Variants in TRIM66 observed in about 807,000 individuals in gnomAD.
TRIM66 encodes the protein tripartite motif containing 66.
A neutral mutation model predicts 148.2 loss-of-function variants in TRIM66; 99 were observed. The ratio of observed to expected loss-of-function variants is 0.67; its 90% CI spans 0.57 to 0.79. TRIM66 has a LOEUF of 0.79. TRIM66 is among the 30% of genes least tolerant of loss of function. The pLI is 0.00. For missense variants in TRIM66, 1,666 were observed against 1,697.9 expected (o/e 0.98, Z 0.33); for synonymous variants, 616 against 635.9 (o/e 0.97, Z 0.47).
At chr11:8,628,100 G>A (rs1301837940) in intron 15 of TRIM66, among the ~76,000 whole-genome samples, 1 of 152,072 alleles carries the variant, frequency 6.6e-6, no homozygotes, top group Non-Finnish European at 1.5e-5. Flanking sequence ...CCAAAGTGCT[G>A]GGATTACAGG....
At chr11:8,652,038 T>C in intron 6 of TRIM66, 135 bp from the exon 7 acceptor site, 1 of 663,594 alleles carries the variant, frequency 1.5e-6, no homozygotes, top group Non-Finnish European at 2.5e-6. Flanking sequence ...CTACACTTGA[T>C]GCCATAGCCT....
At chr11:8,659,366 T>A (rs574939465) in intron 6 of TRIM66, among the ~76,000 whole-genome samples, 32 of 151,394 alleles carry the variant, frequency 2.1e-4, no homozygotes, top group African/African-American at 6.8e-4. Flanking sequence ...TAAATAAGGG[T>A]AAAAATGGAA....
chr11:8,623,088 T>C (rs969335239), intron 17 of TRIM66, among the ~76,000 whole-genome samples: 4 of 152,222 alleles, frequency 2.6e-5, no homozygotes, highest in African/African-American at 9.6e-5. Context: ...TTTAAAAAGA[T>C]GAACACAAGT....
chr11:8,682,630 C>G lies in TRIM66; in HGVS notation c.-577G>C, dbSNP rs972336283. The stretch of plus-strand genomic sequence containing the variant: ...ACCGTACACCGCCACCAGGACACTC[C>G]GTGATGGGGGATCACCACCCTCAGA... On this transcript the variant is annotated 5_prime_UTR_variant, in exon 1 of 25. Coordinates refer to ENST00000646038, the MANE Select transcript of TRIM66 (RefSeq NM_001388022.1). 4.4e-6 allele frequency: 3 copies of G among 688,972 alleles called. No individual in the cohort carries two copies. The highest frequency in any genetic ancestry group is 5.2e-6 in the Non-Finnish European group (2 of 384,790). 42.7% of individuals were successfully genotyped at this position (688,972 alleles called of 1,614,324 possible).
At chr11:8,643,301 C>T (rs571257698) in intron 12 of TRIM66, among the ~76,000 whole-genome samples, 175 bp from the exon 13 acceptor site, 2 of 151,776 alleles carry the variant, frequency 1.3e-5, no homozygotes, top group South Asian at 4.2e-4. Flanking sequence ...CCCAGCTGAT[C>T]CCTTTCCTCT....
intron 15 of TRIM66, among the ~76,000 whole-genome samples, chr11:8,636,650 C>T (rs927465887): frequency 2.0e-5 from 3 of 152,120 alleles, no homozygotes; most frequent in Admixed American, 1.3e-4. Flanking sequence ...CTCCTGTGAT[C>T]TGATATCTCT....
intron 6 of TRIM66, among the ~76,000 whole-genome samples, chr11:8,662,442 C>T (rs1247631249): frequency 2.0e-5 from 3 of 152,216 alleles, no homozygotes; most frequent in Non-Finnish European, 1.5e-5. Flanking sequence ...CGTGATTGCT[C>T]CTCCTTTCAG....
At chr11:8,650,237 G>C (rs1409144850) in intron 7 of TRIM66, among the ~76,000 whole-genome samples, 1 of 152,110 alleles carries the variant, frequency 6.6e-6, no homozygotes, top group African/African-American at 2.4e-5. Flanking sequence ...GCCGGGAGTG[G>C]TGGCACATGC....
intron 16 of TRIM66, 81 bp from the exon 17 acceptor site, chr11:8,624,632 G>A: frequency 1.4e-6 from 2 of 1,477,760 alleles, no homozygotes; most frequent in East Asian, 2.5e-5. Context: ...TTAAGCTAAG[G>A]TCAGAATAAG....
rs974514696 is a variant in TRIM66, at chr11:8,624,608, T to G, written c.2827-57A>C. ...AGAACTCAGACATGGTTGTCATTAGTGGTCTCAGAACTGTTAAGCTAAGGT... is the reference window on the plus strand; with the variant it reads ...AGAACTCAGACATGGTTGTCATTAGGGGTCTCAGAACTGTTAAGCTAAGGT... On this transcript the variant is annotated intron_variant, in intron 16 of 24. Transcript: ENST00000646038. The G allele has an allele frequency of 4.0e-6, 6 of 1,494,000 alleles. No individual in the cohort carries two copies. In the African/African-American group the frequency reaches 7.1e-5, roughly 18 times the overall value. 92.5% of individuals were successfully genotyped at this position (1,494,000 alleles called of 1,614,324 possible).
chr11:8,624,604 T>C, intron 16 of TRIM66, 53 bp from the exon 17 acceptor site: 2 of 1,495,652 alleles, frequency 1.3e-6, no homozygotes, highest in Non-Finnish European at 1.8e-6. Context: ...ATGGTTGTCA[T>C]TAGTGGTCTC....
In TRIM66 at chr11:8,617,969, AG is replaced by A; in HGVS notation, c.4153del (p.Leu1385TrpfsTer43). The A allele has an allele frequency of 3.2e-6, 5 of 1,551,748 alleles. No individual in the cohort carries two copies. The highest frequency in any genetic ancestry group is 3.5e-6 in the Non-Finnish European group (4 of 1,147,006). On this transcript the variant is annotated frameshift_variant, in exon 25 of 25. Coordinates refer to ENST00000646038, the MANE Select transcript of TRIM66 (RefSeq NM_001388022.1). LOFTEE classifies it high-confidence loss of function. ...TCACACCTGAGAGATGCTGTTGGCCAGGCGAAATGACATTCTTTTTGCTCTT... is the reference window on the plus strand; with the variant it reads ...TCACACCTGAGAGATGCTGTTGGCCAGCGAAATGACATTCTTTTTGCTCTT... ...NERAKRMSFRLANSISQV is the reference protein window; with the variant it reads ...NERAKRMSFRXANSISQV
At position 8,671,722 on chromosome 11, in the gene TRIM66, C is replaced by T. The variant is rs557783056; in HGVS notation, c.340+64G>A. ...TTCTTTCTACACCCAAAATTCAGTT[C>T]CTATGAAACAGGAAGAGACCTGTTA... is the stretch of plus-strand genomic sequence containing the variant. On this transcript the variant is annotated intron_variant, in intron 6 of 24. Transcript: ENST00000646038. 310 of 755,214 alleles carry T rather than the reference C, an allele frequency of 4.1e-4. 1 individual carries two copies. The African/African-American group carries it at 5.1e-3, about 12-fold the overall frequency. The allele number at this position is 755,214 out of a possible 1,614,324, so 46.8% of individuals were successfully genotyped here.
At chr11:8,641,805 G>A (rs1201368196) in intron 13 of TRIM66, among the ~76,000 whole-genome samples, 1 of 152,056 alleles carries the variant, frequency 6.6e-6, no homozygotes, top group Non-Finnish European at 1.5e-5. Flanking sequence ...TTGTGATAGA[G>A]GTCTCGTGAG....
chr11:8,640,813 C>A lies in TRIM66; in HGVS notation c.1562G>T (p.Ser521Ile), dbSNP rs567949814. The change falls in exon 14 of 25, where the codon AGC (serine) becomes ATC (isoleucine). Residue 521 changes from serine (S) to isoleucine (I), a missense_variant. This residue lies in a region of TRIM66 where 1,431 missense variants were observed against 1,412.4 expected (regional missense o/e 1.01). Transcript: ENST00000646038. ...CTGCAGCAGCTTTGGTGGATGAGGG[C>A]TGCAGGCCAGCTCTTTCTCCCTGGG... is the stretch of plus-strand genomic sequence containing the variant. ...LLPREKELAC[S>I]PHPPKLLQPW... 172 of 1,550,776 alleles carry A rather than the reference C, an allele frequency of 1.1e-4. No homozygotes were observed. The highest frequency in any genetic ancestry group is 1.1e-3 in the South Asian group (90 of 84,026).
At chr11:8,624,622 T>C (rs922286957) in intron 16 of TRIM66, 71 bp from the exon 17 acceptor site, 12 of 1,482,566 alleles carry the variant, frequency 8.1e-6, no homozygotes, top group Non-Finnish European at 1.1e-5. Flanking sequence ...CTCAGAACTG[T>C]TAAGCTAAGG....
intron 6 of TRIM66, among the ~76,000 whole-genome samples, chr11:8,657,989 G>T (rs927699008): frequency 1.3e-5 from 2 of 152,242 alleles, no homozygotes; most frequent in Non-Finnish European, 2.9e-5. Flanking sequence ...AGAGGATGGC[G>T]CTTACCAAGC....
intron 6 of TRIM66, among the ~76,000 whole-genome samples, chr11:8,663,984 C>T (rs1170253254): frequency 6.6e-6 from 1 of 152,006 alleles, no homozygotes; most frequent in Non-Finnish European, 1.5e-5. Context: ...TGGCAGGGGG[C>T]AAGGGTAGTT....
chr11:8,637,157 A>G (rs1201882268), intron 15 of TRIM66, among the ~76,000 whole-genome samples: 1 of 152,142 alleles, frequency 6.6e-6, no homozygotes, highest in African/African-American at 2.4e-5. Context: ...CCCAATGACT[A>G]TTATAGCACT....
Sources: gnomAD v4.1 joint callset for allele counts (sites outside exome capture counted in the v4.1 genomes callset) on GRCh38, gnomAD v4.1.1 for gene constraint, gnomAD v4.1.1 regional missense constraint, MANE v1.5 for transcripts, NCBI Gene and HGNC (gene_info 2026-07-23, HGNC 2026-07-21) for gene names.